ARHGEF28: variants seen among roughly 807,000 people sequenced by gnomAD.
ARHGEF28 encodes Rho guanine nucleotide exchange factor 28.
In ARHGEF28, 152 loss-of-function variants were observed where a neutral mutation model predicts 206.6. The observed-to-expected ratio is 0.74, with a 90% confidence interval of 0.64 to 0.84. The LOEUF is 0.84. Ranked by LOEUF, ARHGEF28 falls within the 40% of genes least tolerant of loss-of-function variation. The probability of loss-of-function intolerance (pLI) is 0.00; values close to 1 mark genes in which losing one functional copy is unlikely to be tolerated. For missense variants in ARHGEF28, 2,028 were observed against 2,073.2 expected (o/e 0.98, Z 0.42); for synonymous variants, 763 against 776.4 (o/e 0.98, Z 0.29).
At chr5:73,777,429 A>G (rs1753603253) in intron 6 of ARHGEF28, among the ~76,000 whole-genome samples, 1 of 152,174 alleles carries the variant, frequency 6.6e-6, no homozygotes, top group Non-Finnish European at 1.5e-5. Flanking sequence ...TCTCAAGCAC[A>G]TTCCTTCACA....
chr5:73,806,795 C>T (rs1285709023), intron 9 of ARHGEF28, among the ~76,000 whole-genome samples: 1 of 137,452 alleles, frequency 7.3e-6, no homozygotes. Flanking sequence ...TATGATATAT[C>T]GTATACATCT....
intron 1 of ARHGEF28, among the ~76,000 whole-genome samples, chr5:73,675,833 G>T (rs1166476841): frequency 6.6e-6 from 1 of 151,486 alleles, no homozygotes; most frequent in African/African-American, 2.4e-5. Context: ...AGTGGTACAG[G>T]CTGCATTTGA....
intron 9 of ARHGEF28, among the ~76,000 whole-genome samples, chr5:73,804,418 G>A (rs2112503994): frequency 6.6e-6 from 1 of 152,242 alleles, no homozygotes. Context: ...GCTTAATGCA[G>A]GACTTGAATT....
intron 9 of ARHGEF28, among the ~76,000 whole-genome samples, chr5:73,808,634 T>C (rs1017774858): frequency 6.6e-6 from 1 of 152,232 alleles, no homozygotes; most frequent in African/African-American, 2.4e-5. Flanking sequence ...TGATGAAGCA[T>C]ATATTTAAGT....
intron 4 of ARHGEF28, among the ~76,000 whole-genome samples, chr5:73,764,247 C>G (rs184860589): frequency 6.6e-6 from 1 of 152,304 alleles, no homozygotes; most frequent in East Asian, 1.9e-4. Flanking sequence ...GCTTTGAATC[C>G]TTGGTCTCCC....
intron 9 of ARHGEF28, among the ~76,000 whole-genome samples, chr5:73,814,733 G>A (rs1416999119): frequency 6.6e-6 from 1 of 152,118 alleles, no homozygotes; most frequent in African/African-American, 2.4e-5. Flanking sequence ...TCCCAGAGGA[G>A]GATGGACGCT....
chr5:73,895,253 C>T (rs565618004), intron 29 of ARHGEF28, among the ~76,000 whole-genome samples: 3 of 151,994 alleles, frequency 2.0e-5, no homozygotes, highest in South Asian at 4.2e-4. Context: ...AGATGGTGGC[C>T]GAGGTTGGGT....
chr5:73,837,099 G>A (rs1316298767), intron 10 of ARHGEF28, among the ~76,000 whole-genome samples: 1 of 152,064 alleles, frequency 6.6e-6, no homozygotes. Flanking sequence ...GCAGTGTGAT[G>A]CTTCTGACTT....
chr5:73,763,021 C>A (rs1365333513), intron 4 of ARHGEF28, among the ~76,000 whole-genome samples: 1 of 152,092 alleles, frequency 6.6e-6, no homozygotes, highest in African/African-American at 2.4e-5. Flanking sequence ...TTTATAGAAA[C>A]AAGAAAGGTA....
intron 33 of ARHGEF28, 134 bp downstream of exon 33, chr5:73,904,539 G>T: frequency 4.1e-6 from 4 of 964,018 alleles, no homozygotes; most frequent in Non-Finnish European, 6.0e-6. Context: ...AACCTTCTAA[G>T]TGTGATGTGT....
intron 22 of ARHGEF28, among the ~76,000 whole-genome samples, chr5:73,873,661 A>T (rs994815854): frequency 1.3e-5 from 2 of 152,168 alleles, no homozygotes; most frequent in Non-Finnish European, 1.5e-5. Flanking sequence ...AAGCTGTTTC[A>T]TCCTATCATT....
intron 10 of ARHGEF28, among the ~76,000 whole-genome samples, chr5:73,838,555 A>G (rs1579966123): frequency 6.6e-6 from 1 of 152,356 alleles, no homozygotes; most frequent in East Asian, 1.9e-4. Context: ...ATTTCAGTAC[A>G]GAGAATCCCT....
rs1050527593 is a variant in ARHGEF28, at chr5:73,892,935, G to A, written c.3567-262G>A. On this transcript the variant is annotated intron_variant, in intron 27 of 35. Transcript: ENST00000513042. ...TATACTTTATTCCCATTATGGGTGTGTGTGGTGAGTGTATGTTTGTGTTCA... is the reference window on the plus strand; with the variant it reads ...TATACTTTATTCCCATTATGGGTGTATGTGGTGAGTGTATGTTTGTGTTCA... 9.9e-5 allele frequency among the ~76,000 whole-genome samples: 15 copies of A among 152,142 alleles called. 1 individual carries two copies. The highest frequency in any genetic ancestry group is 4.1e-4 in the South Asian group (2 of 4,824).
intron 35 of ARHGEF28, chr5:73,923,048 TAGTC>T (rs908654336): frequency 6.6e-7 from 1 of 1,511,750 alleles, no homozygotes; most frequent in African/African-American, 1.4e-5. Flanking sequence ...GATGGTCTGT[TAGTC>T]AGCATCTGGT....
intron 1 of ARHGEF28, among the ~76,000 whole-genome samples, chr5:73,645,412 C>G (rs1012518199): frequency 2.0e-5 from 3 of 152,126 alleles, no homozygotes; most frequent in Non-Finnish European, 4.4e-5. Context: ...AATTTCTTCT[C>G]AGATTGTTTC....
rs756099955 is a variant in ARHGEF28 at position 73,849,067 on chromosome 5, C to T, written c.1727C>T (p.Thr576Ile). 1 of 1,566,786 alleles carries T rather than the reference C, an allele frequency of 6.4e-7. No homozygotes were observed. The highest frequency in any genetic ancestry group is 1.7e-4 in the Middle Eastern group (1 of 6,006). ...LGKTRLVREL[T>I]VCSSSEEQRA... ...AAAACTCGTTTGGTGCGTGAATTAACAGTATGCAGTTCAAGTGAAGGTAAG... is the reference window on the plus strand; with the variant it reads ...AAAACTCGTTTGGTGCGTGAATTAATAGTATGCAGTTCAAGTGAAGGTAAG... Residue 576 changes from threonine to isoleucine, a missense_variant, in exon 13 of 36, where the codon ACA (threonine) becomes ATA (isoleucine). Around this residue, in one of 3 missense-constraint regions of ARHGEF28, gnomAD observed 1,002 missense variants for 1,015.3 expected, o/e 0.99. Transcript: ENST00000513042.
intron 9 of ARHGEF28, chr5:73,803,202 A>T (rs1755245751): frequency 6.4e-6 from 1 of 155,042 alleles, no homozygotes. Context: ...AACATTTGAC[A>T]GTTATGAAAT....
intron 31 of ARHGEF28, chr5:73,902,998 T>G (rs769789536): frequency 2.6e-5 from 4 of 152,172 alleles, no homozygotes; most frequent in Non-Finnish European, 5.9e-5. Flanking sequence ...GCCTGTTCTC[T>G]CCCATAGGGT....
rs144205553 is a variant in ARHGEF28, at chr5:73,894,048, C to T, written c.3659-345C>T. ...ATTGTTCACTCATCATGGACAGGGC[C>T]GCCTCAATTTTCATTCCTAAGCTTA... On this transcript the variant is annotated intron_variant, in intron 28 of 35. Coordinates refer to ENST00000513042, the MANE Select transcript of ARHGEF28 (RefSeq NM_001177693.2). Among the ~76,000 whole-genome samples the T allele has an allele frequency of 1.1e-3, 168 of 152,278 alleles. 2 individuals are homozygous for T. Among genetic ancestry groups the T allele is most frequent in the Middle Eastern group, 3.4e-3 (1 of 294 alleles).
Sources: gnomAD v4.1 joint callset for allele counts (sites outside exome capture counted in the v4.1 genomes callset) on GRCh38, gnomAD v4.1.1 for gene constraint, gnomAD v4.1.1 regional missense constraint, MANE v1.5 for transcripts, NCBI Gene and HGNC (gene_info 2026-07-23, HGNC 2026-07-21) for gene names.